Variants in SIRPG observed in about 807,000 individuals in gnomAD.
SIRPG encodes the protein signal regulatory protein gamma.
Under a neutral mutation model 35.7 loss-of-function variants are expected in SIRPG, and 38 were observed. The ratio of observed to expected loss-of-function variants is 1.06; its 90% CI spans 0.82 to 1.40. The LOEUF is 1.40. Ranked by LOEUF, SIRPG falls within the 40% of genes most tolerant of loss-of-function variation. SIRPG has a pLI of 0.00. For synonymous variants in SIRPG, 215 were observed against 190.4 expected (o/e 1.13, Z -1.06); for missense variants, 519 against 483.0 (o/e 1.07, Z -0.70).
At chr20:1,685,373 A>T in the SIRPG span, among the ~76,000 whole-genome samples, 40 of 152,196 alleles carry the variant, frequency 2.6e-4, no homozygotes, top group African/African-American at 8.4e-4. Flanking sequence ...ACATGAGGTC[A>T]TTGGGGGGGT....
chr20:1,669,207 A>G, the SIRPG span, among the ~76,000 whole-genome samples: 15 of 152,230 alleles, frequency 9.9e-5, no homozygotes, highest in Non-Finnish European at 1.9e-4. Flanking sequence ...CCTCAAATTT[A>G]CCTTGATTCG....
At chr20:1,663,188 C>T in the SIRPG span, among the ~76,000 whole-genome samples, 1 of 152,092 alleles carries the variant, frequency 6.6e-6, no homozygotes, top group Non-Finnish European at 1.5e-5. Flanking sequence ...TGGTGGGCGC[C>T]TGTAGTCCCA....
At chr20:1,648,647 T>TA (rs1293068640) in intron 2 of SIRPG, among the ~76,000 whole-genome samples, 17 of 150,456 alleles carry the variant, frequency 1.1e-4, no homozygotes, top group African/African-American at 3.2e-4. Context: ...TAAAATAAAA[T>TA]AAATAAAAAA....
At chr20:1,667,671 C>A in the SIRPG span, among the ~76,000 whole-genome samples, 1 of 152,098 alleles carries the variant, frequency 6.6e-6, no homozygotes, top group Non-Finnish European at 1.5e-5. Flanking sequence ...AGAGGTGTTG[C>A]AAATAAGCAT....
intron 2 of SIRPG, among the ~76,000 whole-genome samples, chr20:1,640,017 A>G (rs1033017500): frequency 6.6e-6 from 1 of 152,124 alleles, no homozygotes; most frequent in African/African-American, 2.4e-5. Context: ...TGTTTTGGTT[A>G]CTGTAGCCTT....
At chr20:1,663,043 G>C in the SIRPG span, among the ~76,000 whole-genome samples, 19 of 152,206 alleles carry the variant, frequency 1.2e-4, no homozygotes, top group African/African-American at 4.6e-4. Flanking sequence ...GCCCGGCGCG[G>C]TAGCTCACGC....
intron 1 of SIRPG, among the ~76,000 whole-genome samples, chr20:1,652,265 T>C (rs945758655): frequency 6.6e-6 from 1 of 152,232 alleles, no homozygotes; most frequent in Admixed American, 6.5e-5. Context: ...AGGGGGAATA[T>C]TTCCTGTTGC....
the SIRPG span, among the ~76,000 whole-genome samples, chr20:1,672,672 C>A: frequency 2.6e-5 from 4 of 152,224 alleles, no homozygotes; most frequent in Non-Finnish European, 5.9e-5. Flanking sequence ...TTCTCTGACT[C>A]TGTATACCCA....
At chr20:1,685,506 C>T in the SIRPG span, among the ~76,000 whole-genome samples, 2 of 152,076 alleles carry the variant, frequency 1.3e-5, no homozygotes, top group Non-Finnish European at 2.9e-5. Flanking sequence ...GTAAGAAAGA[C>T]CTCAGTACAG....
upstream of SIRPG, among the ~76,000 whole-genome samples, chr20:1,658,295 C>A (rs1036365942): frequency 5.3e-5 from 8 of 152,210 alleles, no homozygotes; most frequent in African/African-American, 1.9e-4. Context: ...TGGACCTTAG[C>A]ACTTTCATGT....
At chr20:1,645,776 C>T (rs115251349) in intron 2 of SIRPG, among the ~76,000 whole-genome samples, 2 of 152,154 alleles carry the variant, frequency 1.3e-5, no homozygotes, top group African/African-American at 2.4e-5. Flanking sequence ...GCTCTCCTAA[C>T]CACTGTTCTG....
At chr20:1,634,815 G>A (rs1022707227) in intron 4 of SIRPG, among the ~76,000 whole-genome samples, 4 of 151,832 alleles carry the variant, frequency 2.6e-5, no homozygotes, top group Non-Finnish European at 4.4e-5. Context: ...AGGCTGAGGC[G>A]GGCGGATCAC....
upstream of SIRPG, chr20:1,657,894 CA>C: frequency 1.8e-6 from 1 of 567,702 alleles, no homozygotes; most frequent in Admixed American, 3.4e-5. Context: ...TAGGCAGCTA[CA>C]AAGCAAGGAG....
chr20:1,665,129 G>T, the SIRPG span, among the ~76,000 whole-genome samples: 1 of 152,190 alleles, frequency 6.6e-6, no homozygotes, highest in Admixed American at 6.5e-5. Flanking sequence ...CTCTTAGAGG[G>T]TTTCCTGAGA....
the SIRPG span, among the ~76,000 whole-genome samples, chr20:1,667,054 A>G: frequency 6.6e-6 from 1 of 151,984 alleles, no homozygotes; most frequent in African/African-American, 2.4e-5. Context: ...GCATCACCAC[A>G]CGTAGTCAAT....
intron 2 of SIRPG, among the ~76,000 whole-genome samples, chr20:1,645,540 G>A (rs928993494): frequency 2.0e-5 from 3 of 152,100 alleles, no homozygotes; most frequent in African/African-American, 7.2e-5. Flanking sequence ...TCATGGCTTC[G>A]GCATCACATA....
intron 2 of SIRPG, among the ~76,000 whole-genome samples, chr20:1,640,133 T>C (rs1378541003): frequency 6.6e-6 from 1 of 152,126 alleles, no homozygotes; most frequent in Non-Finnish European, 1.5e-5. Context: ...TAAAATTTAA[T>C]GTAGTTTTTT....
At chr20:1,648,017 A>G (rs2091910145) in intron 2 of SIRPG, 1 of 152,208 alleles carries the variant, frequency 6.6e-6, no homozygotes, top group East Asian at 1.9e-4. Context: ...TTCCATCAAT[A>G]ACTGGCCATG....
the SIRPG span, among the ~76,000 whole-genome samples, chr20:1,670,692 G>A: frequency 6.6e-6 from 1 of 152,108 alleles, no homozygotes; most frequent in Non-Finnish European, 1.5e-5. Context: ...TCTACCACCT[G>A]GTGGGTGGAC....
Sources: gnomAD v4.1 joint callset for allele counts (sites outside exome capture counted in the v4.1 genomes callset) on GRCh38, gnomAD v4.1.1 for gene constraint, MANE v1.5 for transcripts, NCBI Gene and HGNC (gene_info 2026-07-23, HGNC 2026-07-21) for gene names.